The following PLK4 variants were observed in gnomAD, a reference collection of about 807,000 sequenced individuals.
The protein encoded by PLK4 is polo like kinase 4.
PLK4 carries 51 observed loss-of-function variants against 103.0 expected under a neutral mutation model. The ratio of observed to expected loss-of-function variants is 0.50; its 90% CI spans 0.40 to 0.63. The LOEUF (loss-of-function observed/expected upper bound fraction) is 0.63, where lower values mean the gene tolerates loss of function less well. Among genes scored for constraint, PLK4 ranks in the 20% least tolerant of loss-of-function variants. PLK4 has a pLI of 0.00. For synonymous variants in PLK4, 389 were observed against 376.8 expected (o/e 1.03, Z -0.38); for missense variants, 1,054 against 1,151.0 (o/e 0.92, Z 1.22).
rs1735294558 is a variant in PLK4 at position 127,890,080 on chromosome 4, A to G, written c.1674A>G (p.Gln558=). The G allele has an allele frequency of 1.2e-6, 2 of 1,614,080 alleles. No homozygotes were observed. Among genetic ancestry groups the G allele is most frequent in the Non-Finnish European group, 1.7e-6 (2 of 1,179,944 alleles). The part of the protein sequence containing the change: ...ALHSKPEIIQ[Q]ECVFGSDPLS... Reference sequence around the variant, plus strand: ...ACAGTAAACCTGAGATAATCCAACAAGAATGTGTTTTTGGCTCAGATCCTC... The same window carrying G: ...ACAGTAAACCTGAGATAATCCAACAGGAATGTGTTTTTGGCTCAGATCCTC... Residue 558 remains glutamine, a synonymous_variant, in exon 7 of 16, where the codon CAA becomes CAG. Coordinates refer to ENST00000270861, the MANE Select transcript of PLK4 (RefSeq NM_014264.5).
chr4:127,886,785 A>G (rs1735152527), intron 5 of PLK4, 57 bp downstream of exon 5: 1 of 1,043,692 alleles, frequency 9.6e-7, no homozygotes, highest in Admixed American at 2.6e-5. Flanking sequence ...ACTAGTATAA[A>G]TATGAAGCTG....
intron 9 of PLK4, 63 bp downstream of exon 9, chr4:127,891,744 C>A: frequency 2.0e-6 from 1 of 503,502 alleles, no homozygotes; most frequent in Non-Finnish European, 3.5e-6. Flanking sequence ...CGTATAAACT[C>A]TATATATAGA....
chr4:127,887,378 TTTTG>T lies in PLK4; in HGVS notation c.1359-6_1359-3del, dbSNP rs547344376. The T allele has an allele frequency of 1.3e-5, 19 of 1,465,002 alleles. No individual in the cohort carries two copies. The highest frequency in any genetic ancestry group is 1.8e-5 in the Admixed American group (1 of 54,562). The allele number at this position is 1,465,002 out of a possible 1,614,324, so 90.8% of individuals were successfully genotyped here. A position where few individuals can be genotyped will look rare whatever the true frequency, so the allele number is the denominator to read the frequency against. On this transcript the variant is annotated splice_polypyrimidine_tract_variant and intron_variant, in intron 5 of 15. Transcript: ENST00000270861. ...AATTTTTTATTAGTTTATGGGATTT[TTTTG>T]TTTGTTTGTTTAGCTCCAATCATCT...
chr4:127,891,820 G>C, intron 9 of PLK4, 139 bp downstream of exon 9: 1 of 389,118 alleles, frequency 2.6e-6, no homozygotes, highest in South Asian at 1.3e-4. Context: ...CTTTGTTTCT[G>C]GTGAGAGTTG....
Position 127,891,680 on chromosome 4 carries a change from A to G in PLK4, c.2037A>G (p.Pro679=), listed in dbSNP as rs775938135. The part of the protein sequence containing the change: ...NISRYSFDNL[P]EKYWRKYQYA... Reference sequence around the variant, plus strand: ...GTAGGTACAGCTTTGACAATTTACCAGGTATGTGAATTTACCAGGGAATAA... The same window carrying G: ...GTAGGTACAGCTTTGACAATTTACCGGGTATGTGAATTTACCAGGGAATAA... The change falls in exon 9 of 16, where the codon CCA becomes CCG. Residue 679 remains proline (P), a splice_region_variant and synonymous_variant. Transcript: ENST00000270861. 2.2e-6 allele frequency: 3 copies of G among 1,341,366 alleles called. No homozygotes were observed. The highest frequency in any genetic ancestry group is 1.5e-5 in the African/African-American group (1 of 68,496). 83.1% of individuals were successfully genotyped at this position (1,341,366 alleles called of 1,614,324 possible). A position where few individuals can be genotyped will look rare whatever the true frequency, so the allele number is the denominator to read the frequency against.
intron 5 of PLK4, 22 bp from the exon 6 acceptor site, chr4:127,887,374 A>AT (rs565631072): frequency 1.3e-4 from 189 of 1,421,126 alleles, no homozygotes; most frequent in Non-Finnish European, 1.6e-4. Context: ...AGTTTATGGG[A>AT]TTTTTTTGTT....
intron 1 of PLK4, chr4:127,881,450 G>C: frequency 7.9e-7 from 1 of 1,270,328 alleles, no homozygotes; most frequent in Non-Finnish European, 1.0e-6. Flanking sequence ...CCGCGTTAGA[G>C]CAGGGCAGGG....
In PLK4 at chr4:127,886,458, A is replaced by G. The variant is rs1322595313; in HGVS notation, c.1088A>G (p.Asp363Gly). Residue 363 changes from aspartate to glycine, a missense_variant, in exon 5 of 16, where the codon GAT becomes GGT. Physicochemically the swap from Asp to Gly is moderately conservative, Grantham distance 94. Coordinates refer to ENST00000270861, the MANE Select transcript of PLK4 (RefSeq NM_014264.5). ...SNSGRGRVIQ[D>G]AEERPHSRYL... ...AGTGGAAGGGGAAGAGTAATTCAAG[A>G]TGCAGAAGAAAGGCCACATTCTCGA... 2.5e-6 allele frequency: 4 copies of G among 1,614,036 alleles called. No individual in the cohort carries two copies. Among genetic ancestry groups the G allele is most frequent in the Middle Eastern group, 3.3e-4 (2 of 6,084 alleles).
In PLK4 at chr4:127,883,480, A is replaced by T; in HGVS notation, c.264A>T (p.Val88=). Reference sequence around the variant, plus strand: ...AAGATAGCAATTATGTGTATCTGGTATTAGAAATGTGCCATAATGGAGAAA... The same window carrying T: ...AAGATAGCAATTATGTGTATCTGGTTTTAGAAATGTGCCATAATGGAGAAA... ...YFEDSNYVYL[V]LEMCHNGEMN... The change falls in exon 4 of 16, where the codon GTA becomes GTT. Residue 88 remains valine, a synonymous_variant. Coordinates refer to ENST00000270861, the MANE Select transcript of PLK4 (RefSeq NM_014264.5). 6.5e-7 allele frequency: 1 copy of T among 1,541,378 alleles called. No individual in the cohort carries two copies. Among genetic ancestry groups the T allele is most frequent in the South Asian group, 1.1e-5 (1 of 89,196 alleles).
intron 7 of PLK4, among the ~76,000 whole-genome samples, chr4:127,890,551 C>G (rs1051959998): frequency 6.6e-6 from 1 of 152,098 alleles, no homozygotes; most frequent in African/African-American, 2.4e-5. Context: ...CAATTCCAAT[C>G]AGTGAGCTAA....
At chr4:127,881,357 G>C (rs1353701876) in intron 1 of PLK4, 193 bp downstream of exon 1, 2 of 1,444,328 alleles carry the variant, frequency 1.4e-6, no homozygotes, top group Non-Finnish European at 1.8e-6. Flanking sequence ...ACAAGAGTAG[G>C]GAAGGCGGGA....
chr4:127,885,514 CTT>C lies in PLK4; in HGVS notation c.338-192_338-191del, dbSNP rs1037347595. On this transcript the variant is annotated intron_variant, in intron 4 of 15. Coordinates refer to ENST00000270861, the MANE Select transcript of PLK4 (RefSeq NM_014264.5). ...AAAAAAAAAAAGGTTAATATGATCT[CTT>C]TAGAGGGGTGTGTTGGTACCACTCT... Among the ~76,000 whole-genome samples the C allele has an allele frequency of 4.7e-5, 7 of 149,206 alleles. No homozygotes were observed. In the Admixed American group the frequency reaches 4.7e-4, roughly 10 times the overall value.
chr4:127,895,362 A>T (rs1384529051), intron 14 of PLK4, among the ~76,000 whole-genome samples: 3 of 150,490 alleles, frequency 2.0e-5, no homozygotes, highest in Non-Finnish European at 4.4e-5. Flanking sequence ...AGAGGTCATG[A>T]TAATTACTAA....
chr4:127,891,437 A>C, intron 8 of PLK4, 142 bp from the exon 9 acceptor site: 1 of 452,872 alleles, frequency 2.2e-6, no homozygotes, highest in Non-Finnish European at 3.9e-6. Flanking sequence ...AAAAGCAAAA[A>C]AATTACTTTT....
Position 127,893,977 on chromosome 4 carries a change from A to G in PLK4, c.2562+96A>G. ...GTTTATTGTGGCTTTACTATCATCT[A>G]CGTACTTTTCCAGCCTCATCCTGAG... On this transcript the variant is annotated intron_variant, in intron 13 of 15. Coordinates refer to ENST00000270861, the MANE Select transcript of PLK4 (RefSeq NM_014264.5). 5 of 719,920 alleles carry G rather than the reference A, an allele frequency of 6.9e-6. 1 individual carries two copies. The South Asian group carries it at 9.0e-5, about 13-fold the overall frequency. 44.6% of individuals were successfully genotyped at this position (719,920 alleles called of 1,614,324 possible).
At chr4:127,895,353 G>C (rs1157602886) in intron 14 of PLK4, among the ~76,000 whole-genome samples, 1 of 150,748 alleles carries the variant, frequency 6.6e-6, no homozygotes, top group Non-Finnish European at 1.5e-5. Context: ...TTTTAAAGTA[G>C]AGGTCATGAT....
chr4:127,892,464 T>C lies in PLK4; in HGVS notation c.2138T>C (p.Ile713Thr), dbSNP rs562577555. The C allele has an allele frequency of 7.5e-6, 12 of 1,600,580 alleles. No individual in the cohort carries two copies. In the Admixed American group the frequency reaches 1.6e-4, roughly 21 times the overall value. ...TATTTTACAAGATATGCTAAATGCA[T>C]TTTGATGGAGAATTCTCCTGGTGCT... ...ITYFTRYAKCILMENSPGADF... is the reference protein window; with the variant it reads ...ITYFTRYAKCTLMENSPGADF... The change falls in exon 10 of 16, where the codon ATT (isoleucine) becomes ACT (threonine). Residue 713 changes from isoleucine to threonine, a missense_variant. Ile to Thr is a moderately conservative substitution (Grantham distance 89). This residue lies in a region of PLK4 where 680 missense variants were observed against 660.3 expected (regional missense o/e 1.03). Transcript: ENST00000270861.
rs1247154540 is a variant in PLK4, at chr4:127,894,340, C to T, written c.2562+459C>T. On this transcript the variant is annotated intron_variant, in intron 13 of 15. Coordinates refer to ENST00000270861, the MANE Select transcript of PLK4 (RefSeq NM_014264.5). ...CTCCTGGGTTCACGCCATTCTTCTG[C>T]CTCAGCCTCCCGAGTAGCTGGGACT... is the stretch of plus-strand genomic sequence containing the variant. Among the ~76,000 whole-genome samples, 3 of 152,082 alleles carry T rather than the reference C, an allele frequency of 2.0e-5. No homozygotes were observed. The East Asian group carries it at 5.8e-4, about 29-fold the overall frequency.
At chr4:127,891,754 A>T (rs1328236976) in intron 9 of PLK4, 73 bp downstream of exon 9, 1 of 456,696 alleles carries the variant, frequency 2.2e-6, no homozygotes, top group African/African-American at 2.0e-5. Flanking sequence ...CTATATATAG[A>T]TATAATAAAT....
Sources: allele counts gnomAD v4.1 joint callset (sites outside exome capture counted in the v4.1 genomes callset), GRCh38; gene constraint gnomAD v4.1.1; regional missense constraint gnomAD v4.1.1; transcripts MANE v1.5; gene names NCBI Gene and HGNC (gene_info 2026-07-23, HGNC 2026-07-21).